The following SYNE1 variants were observed in gnomAD, a reference collection of about 807,000 sequenced individuals.
The protein encoded by SYNE1 is spectrin repeat containing nuclear envelope protein 1, also known as nesprin-1.
A neutral mutation model predicts 1,111.0 loss-of-function variants in SYNE1; 616 were observed. That is an observed-to-expected ratio of 0.55 (90% confidence interval 0.52 to 0.59). The LOEUF (loss-of-function observed/expected upper bound fraction) is 0.59. SYNE1 is among the 20% of genes least tolerant of loss of function. The pLI is 0.00. For synonymous variants in SYNE1, 3,855 were observed against 3,825.8 expected (o/e 1.01, Z -0.28); for missense variants, 10,006 against 10,417.0 (o/e 0.96, Z 1.72).
intron 131 of SYNE1, among the ~76,000 whole-genome samples, chr6:152,162,288 T>G (rs1025299613): frequency 6.6e-6 from 1 of 152,224 alleles, no homozygotes; most frequent in African/African-American, 2.4e-5. Flanking sequence ...ACATCACTGA[T>G]CTATCCACTT....
intron 3 of SYNE1, among the ~76,000 whole-genome samples, chr6:152,576,366 A>C (rs370097469): frequency 1.8e-4 from 28 of 152,332 alleles, no homozygotes; most frequent in African/African-American, 6.7e-4. Flanking sequence ...CCATGTATTT[A>C]GACAGTGTTA....
chr6:152,309,690 T>TA, intron 90 of SYNE1, 145 bp downstream of exon 90: 1 of 1,034,496 alleles, frequency 9.7e-7, no homozygotes, highest in South Asian at 1.5e-5. Context: ...GACAGCATTT[T>TA]AATCTCCTTA....
intron 145 of SYNE1, among the ~76,000 whole-genome samples, chr6:152,129,931 T>C (rs538779538): frequency 1.3e-5 from 2 of 152,244 alleles, no homozygotes; most frequent in South Asian, 4.1e-4. Context: ...CTGGGGAAAC[T>C]TGAACTGATC....
At chr6:152,584,957 C>T (rs895021032) in intron 3 of SYNE1, among the ~76,000 whole-genome samples, 2 of 152,136 alleles carry the variant, frequency 1.3e-5, no homozygotes, top group African/African-American at 4.8e-5. Context: ...GCTGATATGG[C>T]TTGGCTATGT....
rs558190516 is a variant in SYNE1 at position 152,201,206 on chromosome 6, G to T, written c.23145+618C>A. On this transcript the variant is annotated intron_variant, in intron 127 of 145. Coordinates refer to ENST00000367255, the MANE Select transcript of SYNE1 (RefSeq NM_182961.4). ...TTGGCTACAAAGATGTGAAAGGCAT[G>T]AATCTTATAGCCACTGAATTGTGTT... is the stretch of plus-strand genomic sequence containing the variant. 7.9e-5 allele frequency among the ~76,000 whole-genome samples: 12 copies of T among 152,136 alleles called. No individual in the cohort carries two copies. In the East Asian group the frequency reaches 2.3e-3, roughly 29 times the overall value.
chr6:152,377,844 T>C (rs76874560), intron 56 of SYNE1, among the ~76,000 whole-genome samples: 3,604 of 151,736 alleles, frequency 0.024, 155 homozygotes, highest in African/African-American at 0.082. Context: ...TGCCAAGCAT[T>C]TTGCTGGATT....
intron 3 of SYNE1, among the ~76,000 whole-genome samples, chr6:152,570,595 C>A (rs2128305634): frequency 6.6e-6 from 1 of 152,274 alleles, no homozygotes; most frequent in African/African-American, 2.4e-5. Flanking sequence ...AGTCTCAGCA[C>A]TGGGTTATTT....
intron 131 of SYNE1, among the ~76,000 whole-genome samples, chr6:152,161,224 A>T: frequency 6.8e-6 from 1 of 146,620 alleles, no homozygotes; most frequent in Non-Finnish European, 1.5e-5. Flanking sequence ...ATATATTTTT[A>T]CATTACTACA....
intron 117 of SYNE1, among the ~76,000 whole-genome samples, chr6:152,223,277 T>C (rs1001849893): frequency 1.3e-5 from 2 of 152,200 alleles, no homozygotes; most frequent in African/African-American, 2.4e-5. Flanking sequence ...AGAAATTATA[T>C]AGACAAATTT....
In SYNE1 at chr6:152,236,940, G is replaced by A; in HGVS notation, c.20076C>T (p.Ser6692=). 2 of 1,613,864 alleles carry A rather than the reference G, an allele frequency of 1.2e-6. No individual in the cohort carries two copies. Among genetic ancestry groups the A allele is most frequent in the African/African-American group, 2.7e-5 (2 of 74,992 alleles). The change falls in exon 109 of 146, where the codon TCC becomes TCT. Residue 6692 remains serine, a synonymous_variant. Coordinates refer to ENST00000367255, the MANE Select transcript of SYNE1 (RefSeq NM_182961.4). ...GCTCCTGCTGGTCCTCATCCAGATG[G>A]GACCACGTCTAGAAACACAACATGA... ...VELEYILETW[S]HLDEDQQELS...
intron 139 of SYNE1, among the ~76,000 whole-genome samples, chr6:152,140,863 C>T (rs1185358483): frequency 6.6e-6 from 1 of 151,762 alleles, no homozygotes; most frequent in Non-Finnish European, 1.5e-5. Context: ...GAAACCCCAC[C>T]TCTACTAAAA....
rs538791551 is a variant in SYNE1 at position 152,270,574 on chromosome 6, T to C, written c.18574-1288A>G. 3.9e-5 allele frequency among the ~76,000 whole-genome samples: 6 copies of C among 152,376 alleles called. No homozygotes were observed. The East Asian group carries it at 9.6e-4, about 24-fold the overall frequency. ...GTTGCACATCAAATGGGATTAGTTC[T>C]GAATGAGAGCTTTTCTACTCACATA... On this transcript the variant is annotated intron_variant, in intron 98 of 145. Transcript: ENST00000367255.
At chr6:152,423,467 T>C (rs1400729009) in intron 39 of SYNE1, among the ~76,000 whole-genome samples, 2 of 152,208 alleles carry the variant, frequency 1.3e-5, no homozygotes, top group Non-Finnish European at 2.9e-5. Context: ...CACTATACAT[T>C]GACTCTGCAC....
intron 66 of SYNE1, among the ~76,000 whole-genome samples, chr6:152,357,767 T>G (rs953227812): frequency 2.6e-5 from 4 of 152,236 alleles, no homozygotes; most frequent in African/African-American, 9.6e-5. Context: ...GTATCTGTAC[T>G]GTATTAAGTA....
chr6:152,161,261 T>G (rs1053835999), intron 131 of SYNE1, among the ~76,000 whole-genome samples: 1 of 148,336 alleles, frequency 6.7e-6, no homozygotes, highest in African/African-American at 2.4e-5. Flanking sequence ...AAACATATAT[T>G]ATTTAATAAT....
intron 3 of SYNE1, among the ~76,000 whole-genome samples, chr6:152,583,416 C>T (rs1396911727): frequency 1.3e-5 from 2 of 152,188 alleles, no homozygotes; most frequent in South Asian, 2.1e-4. Flanking sequence ...TACTGAGCCC[C>T]ATTCCCTTAT....
Position 152,148,820 on chromosome 6 carries a change from C to T in SYNE1, c.24643-442G>A, listed in dbSNP as rs543312140. On this transcript the variant is annotated intron_variant, in intron 136 of 145. Transcript: ENST00000367255. The surrounding 1 kb of genome is among the most constrained non-coding windows in gnomAD (Gnocchi z 4.1). Reference sequence around the variant, plus strand: ...AATAAATATTATAAAGAAAGGCAATCTACTACCATGCCCACCACACAACAC... The same window carrying T: ...AATAAATATTATAAAGAAAGGCAATTTACTACCATGCCCACCACACAACAC... Among the ~76,000 whole-genome samples the T allele has an allele frequency of 5.3e-4, 80 of 151,838 alleles. 2 individuals carry two copies. The South Asian group carries it at 0.016, about 30-fold the overall frequency.
At chr6:152,388,405 G>A (rs1189277903) in intron 53 of SYNE1, among the ~76,000 whole-genome samples, 2 of 152,028 alleles carry the variant, frequency 1.3e-5, no homozygotes, top group Non-Finnish European at 2.9e-5. Flanking sequence ...GTGCCACCAC[G>A]CCTGGCTAAT....
chr6:152,440,299 G>A (rs775608749), intron 32 of SYNE1, among the ~76,000 whole-genome samples: 10 of 152,252 alleles, frequency 6.6e-5, no homozygotes, highest in Admixed American at 3.3e-4. Context: ...AGCTCTGATC[G>A]TGTGGCTTTT....
Sources: allele counts gnomAD v4.1 joint callset (sites outside exome capture counted in the v4.1 genomes callset), GRCh38; gene constraint gnomAD v4.1.1; non-coding constraint Gnocchi (gnomAD v3.1); transcripts MANE v1.5; gene names NCBI Gene and HGNC (gene_info 2026-07-23, HGNC 2026-07-21).